The following KEAP1 variants were observed in gnomAD, a reference collection of about 807,000 sequenced individuals.
KEAP1 encodes the protein kelch-like ECH-associated protein 1.
KEAP1 carries 26 observed loss-of-function variants against 59.7 expected under a neutral mutation model. The ratio of observed to expected loss-of-function variants is 0.44; its 90% confidence interval spans 0.32 to 0.60. The LOEUF (loss-of-function observed/expected upper bound fraction) is 0.60, where lower values mean the gene tolerates loss of function less well. Ranked by LOEUF, KEAP1 falls within the 20% of genes least tolerant of loss-of-function variation. The pLI, the probability that KEAP1 is intolerant of heterozygous loss-of-function variation, is 0.06. For synonymous variants in KEAP1, 350 were observed against 358.3 expected (o/e 0.98, Z 0.26); for missense variants, 539 against 871.4 (o/e 0.62, Z 4.80).
In KEAP1 at chr19:10,499,529, G is replaced by A. The variant is rs539818436; in HGVS notation, c.505C>T (p.Arg169Cys). Residue 169 changes from arginine (R) to cysteine (C), a missense_variant, in exon 2 of 6, where the codon CGT becomes TGT. This residue lies in a region of KEAP1 where 166 missense variants were observed against 295.8 expected (regional missense o/e 0.56). Coordinates refer to ENST00000171111, the MANE Select transcript of KEAP1 (RefSeq NM_203500.2). This position sits in a 1 kb window ranked among gnomAD's most constrained non-coding sequence, Gnocchi z 6.7. ...TGCACCAGGAAGTCACTGCAGGCAC[G>A]GACAACGCTGTCGATCTGGTACATG... ...AVMYQIDSVV[R>C]ACSDFLVQQL... is the part of the protein sequence containing the mutation. 6.8e-6 allele frequency: 11 copies of A among 1,614,180 alleles called. No individual in the cohort carries two copies. Among genetic ancestry groups the A allele is most frequent in the East Asian group, 2.2e-5 (1 of 44,890 alleles).
intron 2 of KEAP1, among the ~76,000 whole-genome samples, chr19:10,498,491 G>A (rs937820619): frequency 6.6e-6 from 1 of 152,204 alleles, no homozygotes; most frequent in Non-Finnish European, 1.5e-5. Flanking sequence ...ACAGGCGTGA[G>A]CCACTGGGCC....
intron 2 of KEAP1, among the ~76,000 whole-genome samples, chr19:10,494,545 C>T (rs1016649774): frequency 6.6e-6 from 1 of 150,490 alleles, no homozygotes; most frequent in Non-Finnish European, 1.5e-5. Context: ...CCGTGTTAAC[C>T]AGGCTGGTCT....
Position 10,489,788 on chromosome 19 carries a change from C to T in KEAP1, c.1391G>A (p.Gly464Asp), listed in dbSNP as rs2144590745. 1 of 1,614,112 alleles carries T rather than the reference C, an allele frequency of 6.2e-7. No individual in the cohort carries two copies. Among genetic ancestry groups the T allele is most frequent in the South Asian group, 1.1e-5 (1 of 91,074 alleles). ...AAGGAGACGATTGAGGACAGCCACG[C>T]CCACCCCGATCCTTCGTGTCAGCAT... ...APMLTRRIGV[G>D]VAVLNRLLYA... The change falls in exon 4 of 6, where the codon GGC becomes GAC. Residue 464 changes from glycine (G) to aspartate (D), a missense_variant. Coordinates refer to ENST00000171111, the MANE Select transcript of KEAP1 (RefSeq NM_203500.2).
chr19:10,497,564 G>A (rs2144619439), intron 2 of KEAP1, among the ~76,000 whole-genome samples: 1 of 152,282 alleles, frequency 6.6e-6, no homozygotes, highest in African/African-American at 2.4e-5. Context: ...AACAGGGGCT[G>A]GCCCACAGCA....
chr19:10,503,261 G>A lies in KEAP1; in HGVS notation c.-68C>T, dbSNP rs1241555577. The A allele has an allele frequency of 3.3e-5, 5 of 152,418 alleles. No individual in the cohort carries two copies. The highest frequency in any genetic ancestry group is 7.3e-5 in the Non-Finnish European group (5 of 68,112). The allele number at this position is 152,418 out of a possible 1,614,324, so 9.4% of individuals were successfully genotyped here. On this transcript the variant is annotated 5_prime_UTR_variant, in exon 1 of 6. Transcript: ENST00000171111. This position sits in a 1 kb window ranked among gnomAD's most constrained non-coding sequence, Gnocchi z 4.3. ...CTTACCTTGGCTGTAGGGGACCCGC[G>A]GGCGCCTCCGCCGTCGGGGGGCCTC... is the stretch of plus-strand genomic sequence containing the variant.
Position 10,499,924 on chromosome 19 carries a change from T to C in KEAP1, c.110A>G (p.Glu37Gly), listed in dbSNP as rs1465714155. 5.0e-6 allele frequency: 8 copies of C among 1,612,390 alleles called. No individual in the cohort carries two copies. The highest frequency in any genetic ancestry group is 6.8e-6 in the Non-Finnish European group (8 of 1,179,270). ...AGDAVMYAST[E>G]CKAEVTPSQH... Reference sequence around the variant, plus strand: ...GGAGGGCGTCACCTCCGCCTTGCACTCAGTGGAGGCGTACATCACCGCGTC... The same window carrying C: ...GGAGGGCGTCACCTCCGCCTTGCACCCAGTGGAGGCGTACATCACCGCGTC... The change falls in exon 2 of 6, where the codon GAG (glutamate) becomes GGG (glycine). Residue 37 changes from glutamate (E) to glycine (G), a missense_variant. By Grantham distance (98) the Glu-to-Gly change is moderately conservative (BLOSUM62 -2). Transcript: ENST00000171111. The surrounding 1 kb of genome is among the most constrained non-coding windows in gnomAD (Gnocchi z 6.7).
intron 2 of KEAP1, 187 bp from the exon 3 acceptor site, chr19:10,492,449 T>G (rs1316929713): frequency 1.7e-6 from 1 of 589,978 alleles, no homozygotes; most frequent in Non-Finnish European, 3.0e-6. Flanking sequence ...CCGGGCGCGG[T>G]GGCTCACGCC....
In KEAP1 at chr19:10,500,009, CGCT is replaced by C; in HGVS notation, c.22_24del (p.Ser8del). On this transcript the variant is annotated inframe_deletion, in exon 2 of 6. Coordinates refer to ENST00000171111, the MANE Select transcript of KEAP1 (RefSeq NM_203500.2). ...AGGAATCGGCAGCAGGCCCCAGCCC[CGCT>C]AGGCCTGGGATCTGGCTGCATGGGG... 6.4e-7 allele frequency: 1 copy of C among 1,564,784 alleles called. No homozygotes were observed. The highest frequency in any genetic ancestry group is 8.7e-7 in the Non-Finnish European group (1 of 1,151,816).
At chr19:10,494,714 G>A (rs1914794381) in intron 2 of KEAP1, among the ~76,000 whole-genome samples, 1 of 148,390 alleles carries the variant, frequency 6.7e-6, no homozygotes, top group African/African-American at 2.5e-5. Context: ...GGAGTGCAGT[G>A]GCACGATCTT....
At chr19:10,488,894 G>T (rs981074062) in intron 5 of KEAP1, among the ~76,000 whole-genome samples, 5 of 151,832 alleles carry the variant, frequency 3.3e-5, no homozygotes, top group Admixed American at 3.3e-4. Flanking sequence ...TCATGCCATT[G>T]CACTCCAGCC....
chr19:10,489,224 A>G lies in KEAP1; in HGVS notation c.1676T>C (p.Ile559Thr), dbSNP rs1914583358. 1 of 1,612,094 alleles carries G rather than the reference A, an allele frequency of 6.2e-7. No homozygotes were observed. Among genetic ancestry groups the G allele is most frequent in the Non-Finnish European group, 8.5e-7 (1 of 1,179,934 alleles). The change falls in exon 5 of 6, where the codon ATC becomes ACC. Residue 559 changes from isoleucine to threonine, a missense_variant. Physicochemically the swap from Ile to Thr is moderately conservative, Grantham distance 89. Coordinates refer to ENST00000171111, the MANE Select transcript of KEAP1 (RefSeq NM_203500.2). ...GTAGATTCTCCCCTGGTGGACAGTGATCCCCAGGGCACTTCGCCGGTGCTT... is the reference window on the plus strand; with the variant it reads ...GTAGATTCTCCCCTGGTGGACAGTGGTCCCCAGGGCACTTCGCCGGTGCTT... ...PMKHRRSALG[I>T]TVHQGRIYVL... is the part of the protein sequence containing the mutation.
Position 10,500,047 on chromosome 19 carries a change from A to G in KEAP1, c.-14T>C, listed in dbSNP as rs1477937147. 6.5e-7 allele frequency: 1 copy of G among 1,534,180 alleles called. No individual in the cohort carries two copies. The highest frequency in any genetic ancestry group is 8.8e-7 in the Non-Finnish European group (1 of 1,140,232). ...ATCTGGCTGCATGGGGTTCCAGAAG[A>G]TAAGCAACACCACCACCTCTGGCAC... is the stretch of plus-strand genomic sequence containing the variant. On this transcript the variant is annotated 5_prime_UTR_variant, in exon 2 of 6. Transcript: ENST00000171111.
At chr19:10,495,486 T>C (rs998687492) in intron 2 of KEAP1, among the ~76,000 whole-genome samples, 17 of 152,050 alleles carry the variant, frequency 1.1e-4, no homozygotes, top group Admixed American at 5.9e-4. Context: ...TCACCTGAGG[T>C]CAGAAGTCCG....
chr19:10,502,948 G>T lies in KEAP1; in HGVS notation c.-48+293C>A, dbSNP rs907046717. On this transcript the variant is annotated intron_variant, in intron 1 of 5. Coordinates refer to ENST00000171111, the MANE Select transcript of KEAP1 (RefSeq NM_203500.2). This position sits in a 1 kb window ranked among gnomAD's most constrained non-coding sequence, Gnocchi z 4.0. ...ACCACGGCGCCCAGCATGGCGGCGG[G>T]GCGGGGGCACGCGACCCTGAGCGCG... is the stretch of plus-strand genomic sequence containing the variant. 1 of 152,162 alleles carries T rather than the reference G, an allele frequency of 6.6e-6. No homozygotes were observed. Among genetic ancestry groups the T allele is most frequent in the Admixed American group, 6.5e-5 (1 of 15,284 alleles). The allele number at this position is 152,162 out of a possible 1,614,324, so 9.4% of individuals were successfully genotyped here. A position where few individuals can be genotyped will look rare whatever the true frequency, so the allele number is the denominator to read the frequency against.
intron 2 of KEAP1, 140 bp from the exon 3 acceptor site, chr19:10,492,402 A>G (rs1487020901): frequency 3.0e-6 from 2 of 664,380 alleles, no homozygotes; most frequent in Non-Finnish European, 5.2e-6. Flanking sequence ...AATAATAGGA[A>G]CCGCGTACAT....
chr19:10,489,493 G>C, intron 4 of KEAP1, 125 bp from the exon 5 acceptor site: 1 of 1,259,542 alleles, frequency 7.9e-7, no homozygotes, highest in Non-Finnish European at 1.1e-6. Context: ...GAAGCGGGGA[G>C]AGAGAGAAGC....
intron 2 of KEAP1, chr19:10,492,717 T>C: frequency 1.3e-5 from 2 of 159,532 alleles, no homozygotes; most frequent in Non-Finnish European, 2.7e-5. Context: ...AGAGCAAGAC[T>C]CTGTCTCAAA....
intron 5 of KEAP1, among the ~76,000 whole-genome samples, chr19:10,487,588 G>A (rs781400411): frequency 2.0e-4 from 31 of 151,684 alleles, no homozygotes; most frequent in Non-Finnish European, 3.4e-4. Context: ...CCCGGGAGGC[G>A]GAGGTTGCAG....
intron 5 of KEAP1, 65 bp from the exon 6 acceptor site, chr19:10,486,883 A>C: frequency 6.5e-7 from 1 of 1,529,642 alleles, no homozygotes; most frequent in Non-Finnish European, 8.9e-7. Context: ...GGGGACAGAA[A>C]GAGAGAGATG....
Sources: gnomAD v4.1 joint callset for allele counts (sites outside exome capture counted in the v4.1 genomes callset) on GRCh38, gnomAD v4.1.1 for gene constraint, gnomAD v4.1.1 regional missense constraint, Gnocchi (gnomAD v3.1) non-coding constraint, MANE v1.5 for transcripts, NCBI Gene and HGNC (gene_info 2026-07-23, HGNC 2026-07-21) for gene names.